The following NELL2 variants were observed in gnomAD, a reference collection of about 807,000 sequenced individuals.
NELL2 encodes the protein neural EGFL like 2.
NELL2 carries 41 observed loss-of-function variants against 109.6 expected under a neutral mutation model. That is an observed-to-expected ratio of 0.37 (90% CI 0.29 to 0.49). The LOEUF is 0.49. Ranked by LOEUF, NELL2 falls within the 20% of genes least tolerant of loss-of-function variation. The probability of loss-of-function intolerance (pLI) is 0.98; values close to 1 mark genes in which losing one functional copy is unlikely to be tolerated. For synonymous variants in NELL2, 355 were observed against 344.7 expected, an observed-to-expected ratio of 1.03 and a Z score of -0.33; for missense variants, 900 against 1,008.3, an observed-to-expected ratio of 0.89 and a Z score of 1.45.
intron 1 of NELL2, among the ~76,000 whole-genome samples, chr12:44,901,107 A>G (rs1945655261): frequency 6.6e-6 from 1 of 152,238 alleles, no homozygotes; most frequent in Non-Finnish European, 1.5e-5. Context: ...CAATGAATCC[A>G]GTAGCTGGTT....
intron 15 of NELL2, among the ~76,000 whole-genome samples, chr12:44,578,930 C>T (rs1199717906): frequency 1.3e-5 from 2 of 152,110 alleles, no homozygotes; most frequent in Non-Finnish European, 1.5e-5. Flanking sequence ...TCAATCACAA[C>T]TTAGTTTTTT....
intron 9 of NELL2, among the ~76,000 whole-genome samples, chr12:44,766,980 G>T (rs979398098): frequency 6.6e-6 from 1 of 152,176 alleles, no homozygotes; most frequent in Admixed American, 6.5e-5. Context: ...GCAATTCAGA[G>T]TGAAGAACTA....
At chr12:44,541,500 T>C (rs999083786) in intron 15 of NELL2, among the ~76,000 whole-genome samples, 15 of 151,692 alleles carry the variant, frequency 9.9e-5, no homozygotes, top group Non-Finnish European at 1.9e-4. Context: ...TCTCCAAAAG[T>C]AAAACATATA....
At chr12:44,711,483 T>G (rs1938200499) in intron 10 of NELL2, 89 bp from the exon 11 acceptor site, 2 of 1,135,950 alleles carry the variant, frequency 1.8e-6, no homozygotes, top group South Asian at 2.7e-5. Flanking sequence ...AAGACTCTTT[T>G]AAGATCAAGA....
chr12:44,812,602 G>A (rs1445387849), intron 3 of NELL2, among the ~76,000 whole-genome samples: 1 of 152,034 alleles, frequency 6.6e-6, no homozygotes, highest in East Asian at 1.9e-4. Flanking sequence ...TAAGTGTTTA[G>A]GCAATGATGA....
intron 9 of NELL2, among the ~76,000 whole-genome samples, chr12:44,764,420 T>C (rs1941246361): frequency 6.6e-6 from 1 of 152,168 alleles, no homozygotes; most frequent in South Asian, 2.1e-4. Flanking sequence ...TACTAGAAGA[T>C]TTACTTTTGA....
intron 12 of NELL2, among the ~76,000 whole-genome samples, chr12:44,682,643 C>A (rs1948556586): frequency 6.6e-6 from 1 of 152,202 alleles, no homozygotes; most frequent in East Asian, 1.9e-4. Flanking sequence ...ATATGGCTAC[C>A]CAGTTTCCCC....
At chr12:44,526,265 G>C (rs1941769394) in intron 16 of NELL2, among the ~76,000 whole-genome samples, 1 of 152,150 alleles carries the variant, frequency 6.6e-6, no homozygotes, top group African/African-American at 2.4e-5. Flanking sequence ...TGTTTCCTTG[G>C]TTCAGGCAAA....
chr12:44,898,198 G>T (rs1022119673), intron 1 of NELL2, among the ~76,000 whole-genome samples: 2 of 152,116 alleles, frequency 1.3e-5, no homozygotes, highest in Non-Finnish European at 2.9e-5. Flanking sequence ...AGACTTAAAC[G>T]TTCCTGCCTG....
chr12:44,542,906 G>C (rs1396314636), intron 15 of NELL2, among the ~76,000 whole-genome samples: 1 of 152,102 alleles, frequency 6.6e-6, no homozygotes, highest in Non-Finnish European at 1.5e-5. Context: ...AAGAATGCCT[G>C]GGGCCACCAG....
intron 2 of NELL2, among the ~76,000 whole-genome samples, chr12:44,848,667 AAGAGAG>A (rs113410725): frequency 3.3e-5 from 5 of 149,904 alleles, no homozygotes; most frequent in African/African-American, 9.8e-5. Flanking sequence ...CACTTTATAA[AAGAGAG>A]AGAGAGAGAG....
At chr12:44,786,344 T>G (rs1279597118) in intron 3 of NELL2, among the ~76,000 whole-genome samples, 1 of 152,162 alleles carries the variant, frequency 6.6e-6, no homozygotes, top group Non-Finnish European at 1.5e-5. Context: ...TCATGCCAGT[T>G]AGAATGGCGA....
At chr12:44,752,824 G>A (rs1382980283) in intron 9 of NELL2, among the ~76,000 whole-genome samples, 3 of 152,000 alleles carry the variant, frequency 2.0e-5, no homozygotes, top group Admixed American at 6.6e-5. Context: ...TATTTCAGTC[G>A]ATTGCCAAGT....
At chr12:44,712,814 T>C (rs2136437989) in intron 10 of NELL2, among the ~76,000 whole-genome samples, 1 of 152,084 alleles carries the variant, frequency 6.6e-6, no homozygotes, top group Admixed American at 6.6e-5. Context: ...ATTTTATTAA[T>C]AAATTTAATA....
chr12:44,668,428 A>G (rs185518482), intron 12 of NELL2, among the ~76,000 whole-genome samples: 45 of 151,994 alleles, frequency 3.0e-4, no homozygotes, highest in African/African-American at 1.1e-3. Context: ...GTCCCACCCA[A>G]TGCCCCTGCC....
chr12:44,897,721 G>GT (rs957336793), intron 1 of NELL2, among the ~76,000 whole-genome samples: 2 of 151,944 alleles, frequency 1.3e-5, no homozygotes, highest in Non-Finnish European at 2.9e-5. Context: ...GCTAGCTGCA[G>GT]TTTTTTTTCA....
intron 15 of NELL2, among the ~76,000 whole-genome samples, chr12:44,541,889 GTTTAAGTAT>G (rs1486084594): frequency 1.3e-5 from 2 of 152,168 alleles, no homozygotes; most frequent in African/African-American, 4.8e-5. Context: ...AGCAATGAAA[GTTTAAGTAT>G]TTTTTTACAA....
chr12:44,832,788 C>T lies in NELL2; in HGVS notation c.185-16652G>A, dbSNP rs1273370802. ...TGTTACATATTAAGACCAAAAGACTCTCCTTTCCCTTTGGAAATTATGAAC... is the reference window on the plus strand; with the variant it reads ...TGTTACATATTAAGACCAAAAGACTTTCCTTTCCCTTTGGAAATTATGAAC... On this transcript the variant is annotated intron_variant, in intron 2 of 19. Coordinates refer to ENST00000429094, the MANE Select transcript of NELL2 (RefSeq NM_001145108.2). 5.9e-5 allele frequency among the ~76,000 whole-genome samples: 9 copies of T among 152,310 alleles called. 1 individual carries two copies. In the East Asian group the frequency reaches 1.7e-3, roughly 29 times the overall value.
At chr12:44,883,101 G>C (rs964600682) in intron 1 of NELL2, among the ~76,000 whole-genome samples, 1 of 149,988 alleles carries the variant, frequency 6.7e-6, no homozygotes, top group Non-Finnish European at 1.5e-5. Context: ...AACCTGCCTT[G>C]GTCTCCCAAA....
Sources: gnomAD v4.1 joint callset for allele counts (sites outside exome capture counted in the v4.1 genomes callset) on GRCh38, gnomAD v4.1.1 for gene constraint, MANE v1.5 for transcripts, NCBI Gene and HGNC (gene_info 2026-07-23, HGNC 2026-07-21) for gene names.